The following GALK2 variants were observed in gnomAD, a reference collection of about 807,000 sequenced individuals.
The protein encoded by GALK2 is galactokinase 2, also known as N-acetylgalactosamine kinase.
Under a neutral mutation model 52.4 loss-of-function variants are expected in GALK2, and 36 were observed. That is an observed-to-expected ratio of 0.69 (90% confidence interval 0.53 to 0.91). The LOEUF is 0.91. Ranked by LOEUF, GALK2 falls within the 40% of genes least tolerant of loss-of-function variation. The pLI, the probability that GALK2 is intolerant of heterozygous loss-of-function variation, is 0.00. For missense variants in GALK2, 579 were observed against 559.1 expected (o/e 1.04, Z -0.36); for synonymous variants, 176 against 199.1 (o/e 0.88, Z 0.98).
rs536080474 is a variant in GALK2, at chr15:49,220,948, G to T, written c.266+3635G>T. On this transcript the variant is annotated intron_variant, in intron 3 of 9. Transcript: ENST00000560031. ...GGGATTATTACTAGTTTTTACTATCGAGTGTTTTGAGTTCCTTGTATATTT... is the reference window on the plus strand; with the variant it reads ...GGGATTATTACTAGTTTTTACTATCTAGTGTTTTGAGTTCCTTGTATATTT... Among the ~76,000 whole-genome samples, 4 of 152,164 alleles carry T rather than the reference G, an allele frequency of 2.6e-5. 1 individual carries two copies. In the South Asian group the frequency reaches 8.3e-4, roughly 32 times the overall value.
rs2036732785 is a variant in GALK2 at position 49,319,720 on chromosome 15, G to C, written c.1084G>C (p.Glu362Gln). 1 of 1,614,062 alleles carries C rather than the reference G, an allele frequency of 6.2e-7. No individual in the cohort carries two copies. Among genetic ancestry groups the C allele is most frequent in the South Asian group, 1.1e-5 (1 of 91,080 alleles). Residue 362 changes from glutamate (E) to glutamine (Q), a missense_variant, in exon 9 of 10, where the codon GAG becomes CAG. Glu to Gln is a conservative substitution (Grantham distance 29). Transcript: ENST00000560031. ...TGAAAACATGGTCCAGCTGCTGGGA[G>C]AGTTGATGAACCAGAGCCACATGAG... Reference protein sequence around the residue: ...APENMVQLLGELMNQSHMSCR... With the variant: ...APENMVQLLGQLMNQSHMSCR...
At chr15:49,348,679 G>A (rs2041863848) in intron 3 of GALK2, among the ~76,000 whole-genome samples, 2 of 152,112 alleles carry the variant, frequency 1.3e-5, no homozygotes, top group South Asian at 2.1e-4. Context: ...AGTAGGTTGG[G>A]TGAACACAAA....
chr15:49,362,723 T>C (rs1227009241), intron 3 of GALK2, among the ~76,000 whole-genome samples: 1 of 151,890 alleles, frequency 6.6e-6, no homozygotes, highest in African/African-American at 2.4e-5. Flanking sequence ...TGGTATGTCC[T>C]AGGTTATCTT....
At chr15:49,366,652 C>T (rs1274686747) in intron 3 of GALK2, 14 of 1,560,440 alleles carry the variant, frequency 9.0e-6, no homozygotes, top group Non-Finnish European at 1.1e-5. Flanking sequence ...GCAGGGCGGC[C>T]GTGGCAGGGG....
chr15:49,310,263 A>G (rs1160424588), intron 8 of GALK2, among the ~76,000 whole-genome samples: 7 of 152,144 alleles, frequency 4.6e-5, no homozygotes, highest in African/African-American at 1.7e-4. Context: ...TGTACATGCC[A>G]CATTTTCTTT....
upstream of GALK2, among the ~76,000 whole-genome samples, chr15:49,169,701 G>A (rs955940788): frequency 2.6e-5 from 4 of 152,186 alleles, no homozygotes; most frequent in Admixed American, 6.5e-5. Flanking sequence ...ATGTGTTTCC[G>A]TCTTTTCACT....
At chr15:49,177,382 C>A (rs775867292) in intron 1 of GALK2, among the ~76,000 whole-genome samples, 7 of 151,968 alleles carry the variant, frequency 4.6e-5, no homozygotes, top group Non-Finnish European at 8.8e-5. Context: ...AGATAACTCC[C>A]TAATCAGATA....
chr15:49,174,022 G>A (rs1177567200), intron 1 of GALK2, among the ~76,000 whole-genome samples: 4 of 152,092 alleles, frequency 2.6e-5, no homozygotes, highest in Admixed American at 6.5e-5. Flanking sequence ...AGGCTGAGCC[G>A]CTGTGCCCCG....
downstream of GALK2, among the ~76,000 whole-genome samples, chr15:49,334,629 G>T (rs1332503651): frequency 6.6e-6 from 1 of 152,210 alleles, no homozygotes; most frequent in Admixed American, 6.5e-5. Context: ...GTCTGTGGGT[G>T]GGTGGGCAGG....
intron 3 of GALK2, among the ~76,000 whole-genome samples, chr15:49,220,388 C>T (rs1166995658): frequency 6.6e-6 from 1 of 152,042 alleles, no homozygotes; most frequent in Non-Finnish European, 1.5e-5. Context: ...CTGGCTTATT[C>T]CATCCACATT....
At chr15:49,179,174 C>G (rs1329124217) in intron 1 of GALK2, among the ~76,000 whole-genome samples, 1 of 152,040 alleles carries the variant, frequency 6.6e-6, no homozygotes, top group African/African-American at 2.4e-5. Flanking sequence ...AATTCCATCT[C>G]TAACATATAT....
At chr15:49,344,399 CA>C (rs1488576819) in intron 3 of GALK2, 1 of 152,120 alleles carries the variant, frequency 6.6e-6, no homozygotes, top group Non-Finnish European at 1.5e-5. Context: ...CAAAAGGTTA[CA>C]CTGAATGTAC....
chr15:49,179,705 G>A (rs947031333), intron 1 of GALK2, among the ~76,000 whole-genome samples: 4 of 147,428 alleles, frequency 2.7e-5, no homozygotes, highest in African/African-American at 1.0e-4. Context: ...CAGAGCACCA[G>A]AGTCAGCAAT....
chr15:49,259,633 G>C (rs2141614884), intron 5 of GALK2, among the ~76,000 whole-genome samples: 1 of 147,894 alleles, frequency 6.8e-6, no homozygotes, highest in East Asian at 2.0e-4. Context: ...CAATGTGCAG[G>C]TTAGTTACAT....
rs1430229104 is a variant in GALK2 at position 49,331,780 on chromosome 15, C to T, written c.*3621C>T. ...AATTATTTTCAGAAAGAAAACCTAC[C>T]AGTTTATGTAGGAACTTCTCAAAGT... On this transcript the variant is annotated 3_prime_UTR_variant, in exon 10 of 10. Coordinates refer to ENST00000560031, the MANE Select transcript of GALK2 (RefSeq NM_002044.4). 1 of 1,577,914 alleles carries T rather than the reference C, an allele frequency of 6.3e-7. No individual in the cohort carries two copies. Among genetic ancestry groups the T allele is most frequent in the Non-Finnish European group, 8.7e-7 (1 of 1,147,342 alleles).
chr15:49,228,696 T>TATTTA lies in GALK2; in HGVS notation c.267-7155_267-7154insATTTA, dbSNP rs1566958145. On this transcript the variant is annotated intron_variant, in intron 3 of 9. Transcript: ENST00000560031. ...ATATATATATATATATATTTTTTTT[T>TATTTA]TTTTTTTTTTTTTTTGCGATGGAGT... is the stretch of plus-strand genomic sequence containing the variant. Among the ~76,000 whole-genome samples, 5 of 77,532 alleles carry TATTTA rather than the reference T, an allele frequency of 6.4e-5. 1 individual carries two copies. Among genetic ancestry groups the TATTTA allele is most frequent in the African/African-American group, 2.8e-4 (5 of 18,128 alleles). 50.9% of individuals were successfully genotyped at this position (77,532 alleles called of 152,430 possible). A position where few individuals can be genotyped will look rare whatever the true frequency, so the allele number is the denominator to read the frequency against.
intron 3 of GALK2, among the ~76,000 whole-genome samples, chr15:49,218,316 AGC>A (rs1268931062): frequency 2.6e-5 from 4 of 152,196 alleles, no homozygotes; most frequent in African/African-American, 9.6e-5. Context: ...CATTATGTCA[AGC>A]ATATTTTCGT....
At chr15:49,263,029 A>C (rs2092199439) in intron 5 of GALK2, among the ~76,000 whole-genome samples, 1 of 142,938 alleles carries the variant, frequency 7.0e-6, no homozygotes, top group Non-Finnish European at 1.5e-5. Flanking sequence ...GTGGTGCTGA[A>C]AAAAATGTAT....
At chr15:49,344,357 T>C (rs113787067) in intron 3 of GALK2, 2 of 152,338 alleles carry the variant, frequency 1.3e-5, no homozygotes, top group East Asian at 3.9e-4. Context: ...AATTTATGCA[T>C]TCAAGTTTTA....
Sources: gnomAD v4.1 joint callset for allele counts (sites outside exome capture counted in the v4.1 genomes callset) on GRCh38, gnomAD v4.1.1 for gene constraint, MANE v1.5 for transcripts, NCBI Gene and HGNC (gene_info 2026-07-23, HGNC 2026-07-21) for gene names.